Variants in ARSL observed in about 807,000 individuals in gnomAD.
The protein encoded by ARSL is arylsulfatase E (chondrodysplasia punctata 1).
ARSL carries 4 observed loss-of-function variants against 31.1 expected under a neutral mutation model. The ratio of observed to expected loss-of-function variants is 0.13; its 90% confidence interval spans 0.06 to 0.29. ARSL has a LOEUF of 0.29. Ranked by LOEUF, ARSL falls within the 10% of genes least tolerant of loss-of-function variation. The pLI is 1.00. For missense variants in ARSL, 312 were observed against 497.8 expected (o/e 0.63, Z 3.55); for synonymous variants, 198 against 209.9 (o/e 0.94, Z 0.49).
At chrX:2,944,029 A>G (rs981304168) in intron 7 of ARSL, among the ~76,000 whole-genome samples, 2 of 110,230 alleles carry the variant, frequency 1.8e-5, no homozygotes, top group African/African-American at 3.3e-5. Flanking sequence ...TAATAAAAAA[A>G]TTAGCCGGGT....
rs375900834 is a variant in ARSL at position 2,958,450 on chromosome X, G to A, written c.24-15C>T. On this transcript the variant is annotated splice_polypyrimidine_tract_variant and intron_variant, in intron 2 of 10. Transcript: ENST00000381134. ...TGAAACACAAACTGTCAGAGACTGC[G>A]TCATGCTCCTGTCCATCTCATTTGC... The A allele has an allele frequency of 1.3e-4, 162 of 1,209,866 alleles. No homozygotes were observed. The South Asian group carries it at 2.5e-3, about 19-fold the overall frequency.
At chrX:2,962,215 G>T (rs983199483) in intron 1 of ARSL, among the ~76,000 whole-genome samples, 3 of 111,536 alleles carry the variant, frequency 2.7e-5, no homozygotes, top group Non-Finnish European at 5.6e-5. Flanking sequence ...ACGTTCTTGG[G>T]TCCTCCTGAG....
At chrX:2,944,632 G>C (rs1216908316) in intron 7 of ARSL, among the ~76,000 whole-genome samples, 1 of 109,070 alleles carries the variant, frequency 9.2e-6, no homozygotes, top group Non-Finnish European at 1.9e-5. Context: ...AGGATCCTGG[G>C]ATTCGCAGCC....
chrX:2,963,533 CTTTTTTTTTTT>C (rs769134287), intron 1 of ARSL, among the ~76,000 whole-genome samples: 1 of 59,805 alleles, frequency 1.7e-5, no homozygotes, highest in African/African-American at 7.6e-5. Context: ...TTTTCTTTTC[CTTTTTTTTTTT>C]TTTTTTTTTT....
chrX:2,963,117 A>G (rs2089660469), intron 1 of ARSL, among the ~76,000 whole-genome samples: 1 of 112,401 alleles, frequency 8.9e-6, no homozygotes, highest in Admixed American at 9.5e-5. Flanking sequence ...CACAGAAGGA[A>G]GGGATAAGGT....
intron 4 of ARSL, among the ~76,000 whole-genome samples, chrX:2,954,797 A>G (rs2089504423): frequency 9.0e-6 from 1 of 111,700 alleles, no homozygotes; most frequent in Admixed American, 9.6e-5. Flanking sequence ...GGGAAGCTCC[A>G]GGGTTGGTCA....
intron 6 of ARSL, among the ~76,000 whole-genome samples, 178 bp from the exon 7 acceptor site, chrX:2,946,312 A>G: frequency 1.0e-5 from 1 of 95,293 alleles, no homozygotes; most frequent in Non-Finnish European, 2.1e-5. Flanking sequence ...TCTTATATTT[A>G]ACAATCTTCC....
intron 5 of ARSL, among the ~76,000 whole-genome samples, chrX:2,950,720 CT>C (rs1403472795): frequency 8.9e-6 from 1 of 112,136 alleles, no homozygotes; most frequent in Non-Finnish European, 1.9e-5. Context: ...CATTAAACCT[CT>C]TTTCTTTATA....
chrX:2,966,291 C>T (rs1194927428), upstream of ARSL, among the ~76,000 whole-genome samples: 2 of 111,541 alleles, frequency 1.8e-5, no homozygotes, highest in Non-Finnish European at 1.9e-5. Flanking sequence ...TTTTCTTTTC[C>T]TGCCACAGGT....
intron 1 of ARSL, among the ~76,000 whole-genome samples, chrX:2,961,147 G>C (rs934237828): frequency 1.5e-4 from 17 of 111,398 alleles, no homozygotes; most frequent in African/African-American, 5.6e-4. Flanking sequence ...TGCCGGGAGA[G>C]GGGGCGACCA....
At chrX:2,941,981 A>G (rs756388478) in intron 8 of ARSL, among the ~76,000 whole-genome samples, 1 of 112,657 alleles carries the variant, frequency 8.9e-6, no homozygotes, top group Non-Finnish European at 1.9e-5. Context: ...TCTCACTAAC[A>G]CAGGCCTCCG....
upstream of ARSL, among the ~76,000 whole-genome samples, chrX:2,965,991 G>A (rs964057952): frequency 3.6e-5 from 4 of 112,370 alleles, no homozygotes; most frequent in African/African-American, 1.3e-4. Flanking sequence ...CTGTAGAATG[G>A]AACCCTACGC....
At chrX:2,945,956 G>A (rs1244569677) in intron 7 of ARSL, 42 bp downstream of exon 7, 28 of 1,201,801 alleles carry the variant, frequency 2.3e-5, no homozygotes, top group Non-Finnish European at 2.9e-5. Context: ...TGCTTCTATT[G>A]CTGGAAGGGA....
In ARSL at chrX:2,938,208, G is replaced by T. The variant is rs1295364297; in HGVS notation, c.1176C>A (p.Ile392=). Residue 392 remains isoleucine, a synonymous_variant, in exon 9 of 11, where the codon ATC becomes ATA. Transcript: ENST00000381134. ...CCGGGAGCACCCCGGGCCAGCGGAA[G>T]ATCCCGGGCACGCGGATCCCACCTT... ...GWEGGIRVPG[I]FRWPGVLPAG... The T allele has an allele frequency of 4.1e-6, 5 of 1,210,788 alleles. No individual in the cohort carries two copies. The highest frequency in any genetic ancestry group is 5.6e-6 in the Non-Finnish European group (5 of 895,424).
chrX:2,935,005 C>G lies in ARSL; in HGVS notation c.1597G>C (p.Val533Leu). Residue 533 changes from valine (V) to leucine (L), a missense_variant, in exon 11 of 11, where the codon GTG becomes CTG. By Grantham distance (32) the Val-to-Leu change is conservative. Coordinates refer to ENST00000381134, the MANE Select transcript of ARSL (RefSeq NM_000047.3). ...ACTCGTTCCATCACCTGATAGAACACGGGCTCTGAGGCTGGTGTGAGGATG... is the reference window on the plus strand; with the variant it reads ...ACTCGTTCCATCACCTGATAGAACAGGGGCTCTGAGGCTGGTGTGAGGATG... ...THILTPASEP[V>L]FYQVMERVQQ... is the part of the protein sequence containing the mutation. 3.3e-6 allele frequency: 4 copies of G among 1,210,982 alleles called. No homozygotes were observed. The highest frequency in any genetic ancestry group is 4.5e-6 in the Non-Finnish European group (4 of 895,321).
At chrX:2,946,430 C>T (rs1211598664) in intron 6 of ARSL, among the ~76,000 whole-genome samples, 4 of 104,424 alleles carry the variant, frequency 3.8e-5, no homozygotes, top group African/African-American at 1.4e-4. Flanking sequence ...CCTCAATCTC[C>T]CAGGCTCAAG....
upstream of ARSL, chrX:2,964,602 T>C (rs1350879211): frequency 7.0e-6 from 2 of 287,170 alleles, no homozygotes; most frequent in Admixed American, 1.9e-4. Context: ...CAGATGTGAG[T>C]CACCGTATTC....
chrX:2,944,711 C>T (rs1459697812), intron 7 of ARSL, among the ~76,000 whole-genome samples: 1 of 110,006 alleles, frequency 9.1e-6, no homozygotes, highest in East Asian at 2.9e-4. Context: ...TGCCCATATA[C>T]AGGTGCTCAC....
intron 6 of ARSL, among the ~76,000 whole-genome samples, chrX:2,948,137 A>G (rs1025984825): frequency 1.8e-5 from 2 of 112,120 alleles, no homozygotes; most frequent in African/African-American, 3.2e-5. Context: ...AAAAAGAAAA[A>G]AATTATCTAA....
Sources: allele counts gnomAD v4.1 joint callset (sites outside exome capture counted in the v4.1 genomes callset), GRCh38; gene constraint gnomAD v4.1.1; transcripts MANE v1.5; gene names NCBI Gene and HGNC (gene_info 2026-07-23, HGNC 2026-07-21).